The following TPST1 variants were observed in gnomAD, a reference collection of about 807,000 sequenced individuals.
The protein encoded by TPST1 is protein-tyrosine sulfotransferase 1.
Under a neutral mutation model 34.8 loss-of-function variants are expected in TPST1, and 20 were observed. The ratio of observed to expected loss-of-function variants is 0.57; its 90% CI spans 0.40 to 0.84. The LOEUF is 0.84. TPST1 is among the 40% of genes least tolerant of loss of function. The probability of loss-of-function intolerance (pLI) is 0.00; values close to 1 mark genes in which losing one functional copy is unlikely to be tolerated. For synonymous variants in TPST1, 152 were observed against 159.4 expected (o/e 0.95, Z 0.35); for missense variants, 353 against 455.5 (o/e 0.78, Z 2.05).
At chr7:66,242,073 T>C (rs1790047551) in intron 2 of TPST1, among the ~76,000 whole-genome samples, 1 of 152,208 alleles carries the variant, frequency 6.6e-6, no homozygotes, top group South Asian at 2.1e-4. Flanking sequence ...CTTCTTTTCT[T>C]ATGAAGTGAC....
At chr7:66,216,367 G>A (rs1288112609) in intron 1 of TPST1, among the ~76,000 whole-genome samples, 1 of 147,058 alleles carries the variant, frequency 6.8e-6, no homozygotes, top group Non-Finnish European at 1.5e-5. Flanking sequence ...CAAAGAACCA[G>A]TTTTTGGTTT....
intron 3 of TPST1, among the ~76,000 whole-genome samples, chr7:66,323,161 A>G (rs1791791992): frequency 6.6e-6 from 1 of 152,178 alleles, no homozygotes; most frequent in African/African-American, 2.4e-5. Context: ...TTAACCCCAT[A>G]GCAGATACAT....
chr7:66,254,302 A>T (rs909531864), intron 2 of TPST1, among the ~76,000 whole-genome samples: 2 of 152,164 alleles, frequency 1.3e-5, no homozygotes, highest in Non-Finnish European at 2.9e-5. Flanking sequence ...GTATTTTATA[A>T]TGTTCTTCAT....
intron 1 of TPST1, among the ~76,000 whole-genome samples, chr7:66,219,076 TTAG>T (rs1201386864): frequency 6.6e-6 from 1 of 150,454 alleles, no homozygotes; most frequent in African/African-American, 2.4e-5. Context: ...TTTGGTATTT[TTAG>T]TAGAGACAGG....
intron 2 of TPST1, among the ~76,000 whole-genome samples, chr7:66,252,279 C>T (rs967351316): frequency 5.3e-5 from 8 of 150,612 alleles, no homozygotes; most frequent in Non-Finnish European, 1.0e-4. Flanking sequence ...AGGATGGTCT[C>T]GATCTCCTGA....
intron 1 of TPST1, among the ~76,000 whole-genome samples, chr7:66,225,698 GCA>G (rs1562802881): frequency 1.3e-5 from 2 of 152,234 alleles, no homozygotes; most frequent in Non-Finnish European, 2.9e-5. Flanking sequence ...AAACACACAT[GCA>G]CACAGTGTTT....
intron 1 of TPST1, among the ~76,000 whole-genome samples, chr7:66,208,981 A>T (rs888989005): frequency 6.6e-6 from 1 of 152,042 alleles, no homozygotes; most frequent in Non-Finnish European, 1.5e-5. Flanking sequence ...AGAAGGTAAC[A>T]TATGGAAAAG....
chr7:66,285,872 T>C (rs1791023747), intron 2 of TPST1, among the ~76,000 whole-genome samples: 2 of 152,200 alleles, frequency 1.3e-5, no homozygotes, highest in Admixed American at 1.3e-4. Flanking sequence ...TCCTGTAATA[T>C]TGAAAATCAA....
Position 66,240,792 on chromosome 7 carries a change from C to G in TPST1, c.367C>G (p.Arg123Gly). ...MWSRSSKEKI[R>G]LDEAGVTDEV... Reference sequence around the variant, plus strand: ...GTCACGGTCAAGTAAAGAGAAGATCCGCCTGGATGAGGCTGGTGTTACTGA... The same window carrying G: ...GTCACGGTCAAGTAAAGAGAAGATCGGCCTGGATGAGGCTGGTGTTACTGA... The change falls in exon 2 of 6, where the codon CGC becomes GGC. Residue 123 changes from arginine (R) to glycine (G), a missense_variant. Physicochemically the swap from Arg to Gly is moderately radical, Grantham distance 125 (BLOSUM62 -2). Coordinates refer to ENST00000304842, the MANE Select transcript of TPST1 (RefSeq NM_003596.4). 1.9e-6 allele frequency: 3 copies of G among 1,614,168 alleles called. No homozygotes were observed. The highest frequency in any genetic ancestry group is 1.1e-5 in the South Asian group (1 of 91,080).
At chr7:66,243,941 A>ATTTTTTTTTTTTTTTTTTTTTTTTT (rs55829208) in intron 2 of TPST1, among the ~76,000 whole-genome samples, 1 of 116,232 alleles carries the variant, frequency 8.6e-6, no homozygotes. Flanking sequence ...ATTCTGGGAA[A>ATTTTTTTTTTTTTTTTTTTTTTTTT]TTTTTTTTTT....
intron 1 of TPST1, among the ~76,000 whole-genome samples, chr7:66,210,694 T>C (rs1789224676): frequency 1.3e-5 from 2 of 152,178 alleles, no homozygotes; most frequent in Admixed American, 1.3e-4. Flanking sequence ...CTGGGTGTGG[T>C]GGCTCACACC....
chr7:66,244,913 A>G (rs931681516), intron 2 of TPST1, among the ~76,000 whole-genome samples: 3 of 152,230 alleles, frequency 2.0e-5, no homozygotes, highest in Non-Finnish European at 2.9e-5. Context: ...AATGAAAAAG[A>G]TAATAGTAGT....
chr7:66,246,667 A>G (rs181561448), intron 2 of TPST1, among the ~76,000 whole-genome samples: 10 of 152,318 alleles, frequency 6.6e-5, no homozygotes, highest in African/African-American at 2.2e-4. Flanking sequence ...AATAATGACT[A>G]CTATGTAGAA....
intron 2 of TPST1, among the ~76,000 whole-genome samples, chr7:66,266,884 G>C (rs1186683499): frequency 6.6e-6 from 1 of 152,032 alleles, no homozygotes; most frequent in African/African-American, 2.4e-5. Flanking sequence ...CTGACTGGGA[G>C]GCAACACAAA....
At chr7:66,283,321 C>T (rs769329187) in intron 2 of TPST1, among the ~76,000 whole-genome samples, 17 of 152,086 alleles carry the variant, frequency 1.1e-4, no homozygotes, top group Non-Finnish European at 2.2e-4. Flanking sequence ...TGATGTGGTC[C>T]TTCTGTCAGG....
the TPST1 span, among the ~76,000 whole-genome samples, chr7:66,199,343 G>A: frequency 6.9e-6 from 1 of 145,730 alleles, no homozygotes; most frequent in Non-Finnish European, 1.5e-5. Flanking sequence ...CTCCCAGGCT[G>A]GAGTGCAGTG....
intron 3 of TPST1, among the ~76,000 whole-genome samples, chr7:66,343,674 G>A (rs1006197039): frequency 2.6e-5 from 4 of 152,136 alleles, no homozygotes; most frequent in African/African-American, 9.7e-5. Context: ...ACTTTTTACC[G>A]CAGTTTCTTC....
At chr7:66,303,828 A>G (rs1409391869) in intron 3 of TPST1, among the ~76,000 whole-genome samples, 1 of 152,224 alleles carries the variant, frequency 6.6e-6, no homozygotes, top group Non-Finnish European at 1.5e-5. Context: ...GCTCAATAAA[A>G]TGATTCTTAT....
intron 3 of TPST1, among the ~76,000 whole-genome samples, chr7:66,313,729 GTA>G (rs1398658722): frequency 6.6e-6 from 1 of 152,148 alleles, no homozygotes; most frequent in African/African-American, 2.4e-5. Context: ...CAGAAAGGCT[GTA>G]AGAATAATAC....
Sources: gnomAD v4.1 joint callset for allele counts (sites outside exome capture counted in the v4.1 genomes callset) on GRCh38, gnomAD v4.1.1 for gene constraint, MANE v1.5 for transcripts, NCBI Gene and HGNC (gene_info 2026-07-23, HGNC 2026-07-21) for gene names.